The following ROBO1 variants were observed in gnomAD, a reference collection of about 807,000 sequenced individuals.
The protein encoded by ROBO1 is roundabout homolog 1.
Under a neutral mutation model 195.9 loss-of-function variants are expected in ROBO1, and 149 were observed. That is an observed-to-expected ratio of 0.76 (90% CI 0.67 to 0.87). ROBO1 has a LOEUF of 0.87. Ranked by LOEUF, ROBO1 falls within the 40% of genes least tolerant of loss-of-function variation. ROBO1 has a pLI of 0.00. For synonymous variants in ROBO1, 816 were observed against 733.2 expected, an observed-to-expected ratio of 1.11 and a Z score of -1.82; for missense variants, 1,933 against 2,068.3, an observed-to-expected ratio of 0.93 and a Z score of 1.27.
At chr3:78,880,608 T>C (rs1317832934) in intron 4 of ROBO1, among the ~76,000 whole-genome samples, 2 of 152,196 alleles carry the variant, frequency 1.3e-5, no homozygotes, top group African/African-American at 4.8e-5. Flanking sequence ...TAAAATAAAA[T>C]GCAAAATGTC....
chr3:78,987,327 G>T (rs2108030135), intron 3 of ROBO1, among the ~76,000 whole-genome samples: 1 of 152,084 alleles, frequency 6.6e-6, no homozygotes, highest in African/African-American at 2.4e-5. Flanking sequence ...CCACAATAAA[G>T]TAAGTAAACA....
At chr3:79,584,135 G>T (rs1014947443) in intron 2 of ROBO1, among the ~76,000 whole-genome samples, 2 of 151,468 alleles carry the variant, frequency 1.3e-5, no homozygotes, top group African/African-American at 4.8e-5. Flanking sequence ...TTTCACATCG[G>T]TGAAAGAATG....
At chr3:78,741,699 T>A (rs1253627822) in intron 5 of ROBO1, among the ~76,000 whole-genome samples, 1 of 152,152 alleles carries the variant, frequency 6.6e-6, no homozygotes, top group Non-Finnish European at 1.5e-5. Context: ...CCGATTCATC[T>A]GTATAAGAAA....
intron 3 of ROBO1, among the ~76,000 whole-genome samples, chr3:78,993,489 A>C (rs1274977898): frequency 6.6e-6 from 1 of 152,114 alleles, no homozygotes; most frequent in East Asian, 1.9e-4. Context: ...CAAGGGTGTA[A>C]TACACTTATA....
chr3:79,627,199 C>T (rs1945205780), intron 1 of ROBO1, among the ~76,000 whole-genome samples: 1 of 152,016 alleles, frequency 6.6e-6, no homozygotes, highest in Non-Finnish European at 1.5e-5. Flanking sequence ...CCAAGACAAC[C>T]CTAAGCAAAA....
At chr3:78,881,644 T>C (rs1044268025) in intron 4 of ROBO1, among the ~76,000 whole-genome samples, 1 of 152,194 alleles carries the variant, frequency 6.6e-6, no homozygotes, top group Non-Finnish European at 1.5e-5. Flanking sequence ...TTACTTCCTA[T>C]TGATAATTCT....
At chr3:79,115,235 A>T (rs950546697) in intron 3 of ROBO1, among the ~76,000 whole-genome samples, 1 of 152,198 alleles carries the variant, frequency 6.6e-6, no homozygotes, top group African/African-American at 2.4e-5. Context: ...AGTTACTAAG[A>T]ACACAAAAAT....
At chr3:78,983,707 T>C (rs1273405283) in intron 3 of ROBO1, among the ~76,000 whole-genome samples, 1 of 152,202 alleles carries the variant, frequency 6.6e-6, no homozygotes, top group Non-Finnish European at 1.5e-5. Context: ...TAGACAGGTC[T>C]GATTTTAAAA....
intron 4 of ROBO1, among the ~76,000 whole-genome samples, chr3:78,807,907 T>C (rs2084597311): frequency 1.8e-5 from 1 of 55,614 alleles, no homozygotes; most frequent in Non-Finnish European, 3.4e-5. Context: ...GCATTAATAT[T>C]GAACAAACAT....
chr3:79,125,435 T>G, intron 3 of ROBO1, 21 bp downstream of exon 3: 1 of 1,603,500 alleles, frequency 6.2e-7, no homozygotes, highest in Non-Finnish European at 8.5e-7. Context: ...GAAGTTAGTA[T>G]TTGGGAAAGA....
chr3:78,838,463 T>C (rs983824429), intron 4 of ROBO1, among the ~76,000 whole-genome samples: 3 of 152,172 alleles, frequency 2.0e-5, no homozygotes, highest in Admixed American at 6.5e-5. Context: ...TGGCTCACAA[T>C]ACTCATGTCT....
intron 2 of ROBO1, among the ~76,000 whole-genome samples, chr3:79,390,091 T>C (rs2106696705): frequency 6.6e-6 from 1 of 152,044 alleles, no homozygotes; most frequent in East Asian, 1.9e-4. Context: ...GAATAAGAAA[T>C]ATCAATAAAA....
At chr3:79,015,551 T>A (rs1460288446) in intron 3 of ROBO1, among the ~76,000 whole-genome samples, 2 of 152,024 alleles carry the variant, frequency 1.3e-5, no homozygotes, top group Non-Finnish European at 2.9e-5. Context: ...TAGAATCAGA[T>A]CCTGAGAGAT....
At chr3:79,578,323 A>G (rs887028433) in intron 2 of ROBO1, among the ~76,000 whole-genome samples, 8 of 152,220 alleles carry the variant, frequency 5.3e-5, no homozygotes, top group African/African-American at 1.9e-4. Context: ...TGCCAAAAAT[A>G]AGATTCAATG....
At chr3:79,675,339 G>T (rs12488868) in intron 1 of ROBO1, among the ~76,000 whole-genome samples, 42,178 of 151,828 alleles carry the variant, frequency 0.28, 7,418 homozygotes, top group East Asian at 0.53. Flanking sequence ...TCTAAGATTT[G>T]TTGAATCCAA....
intron 3 of ROBO1, among the ~76,000 whole-genome samples, chr3:79,055,612 G>A (rs530266886): frequency 1.3e-4 from 20 of 152,064 alleles, no homozygotes; most frequent in Non-Finnish European, 2.2e-4. Context: ...AGATTTACTG[G>A]CACAATGGGG....
intron 3 of ROBO1, among the ~76,000 whole-genome samples, chr3:79,056,358 C>A (rs767674484): frequency 1.3e-5 from 2 of 151,938 alleles, no homozygotes; most frequent in Admixed American, 6.6e-5. Flanking sequence ...TTTTAATTGC[C>A]GACCCCACTG....
chr3:78,930,504 T>C, intron 4 of ROBO1, among the ~76,000 whole-genome samples: 1 of 152,138 alleles, frequency 6.6e-6, no homozygotes, highest in Non-Finnish European at 1.5e-5. Context: ...ACAGAAAGTA[T>C]ACTTTCTCGG....
intron 1 of ROBO1, among the ~76,000 whole-genome samples, chr3:79,601,795 C>A (rs1401779960): frequency 2.0e-5 from 3 of 151,878 alleles, no homozygotes; most frequent in Non-Finnish European, 4.4e-5. Context: ...CATTTGCTTT[C>A]ATTTTGTACA....
Sources: gnomAD v4.1 joint callset for allele counts (sites outside exome capture counted in the v4.1 genomes callset) on GRCh38, gnomAD v4.1.1 for gene constraint, MANE v1.5 for transcripts, NCBI Gene and HGNC (gene_info 2026-07-23, HGNC 2026-07-21) for gene names.